Variants in PCBP3 observed in about 807,000 individuals in gnomAD.
PCBP3 encodes the protein poly(rC) binding protein 3, also known as poly(rC)-binding protein 3.
Under a neutral mutation model 52.7 loss-of-function variants are expected in PCBP3, and 25 were observed. The observed-to-expected ratio is 0.47, with a 90% confidence interval of 0.35 to 0.66. PCBP3 has a LOEUF of 0.66. Ranked by LOEUF, PCBP3 falls within the 30% of genes least tolerant of loss-of-function variation. The pLI is 0.01. For missense variants in PCBP3, 391 were observed against 490.3 expected (o/e 0.80, Z 1.91); for synonymous variants, 162 against 183.0 (o/e 0.89, Z 0.93).
chr21:45,840,107 T>G (rs1010688473), intron 4 of PCBP3, among the ~76,000 whole-genome samples: 4 of 151,980 alleles, frequency 2.6e-5, no homozygotes, highest in African/African-American at 9.7e-5. Flanking sequence ...AATTTGTGTG[T>G]GTGTGTTTTA....
At chr21:45,887,319 C>G (rs1314369177) in intron 5 of PCBP3, among the ~76,000 whole-genome samples, 1 of 152,240 alleles carries the variant, frequency 6.6e-6, no homozygotes, top group Non-Finnish European at 1.5e-5. Context: ...AAGCAGCAGC[C>G]TTGCCACTCC....
At chr21:45,711,335 C>T (rs1385288023) in intron 2 of PCBP3, among the ~76,000 whole-genome samples, 2 of 152,160 alleles carry the variant, frequency 1.3e-5, no homozygotes, top group Non-Finnish European at 2.9e-5. Flanking sequence ...GTATATACAT[C>T]TATAGATATT....
intron 4 of PCBP3, among the ~76,000 whole-genome samples, chr21:45,794,842 T>G (rs535322240): frequency 1.6e-3 from 234 of 150,774 alleles, no homozygotes; most frequent in Non-Finnish European, 2.7e-3. Context: ...GGCAGGAGAA[T>G]GGCGTGAACC....
intron 4 of PCBP3, among the ~76,000 whole-genome samples, chr21:45,811,911 T>A (rs899355824): frequency 7.9e-5 from 12 of 152,236 alleles, no homozygotes; most frequent in African/African-American, 2.7e-4. Flanking sequence ...TTTTTAATTG[T>A]CCCTCTCTTC....
chr21:45,747,674 C>T (rs1451992320), intron 3 of PCBP3, among the ~76,000 whole-genome samples: 2 of 152,270 alleles, frequency 1.3e-5, no homozygotes, highest in African/African-American at 4.8e-5. Context: ...AGGCTGCGGT[C>T]TTGCCCTTAC....
intron 4 of PCBP3, among the ~76,000 whole-genome samples, chr21:45,797,746 T>G (rs2092033384): frequency 7.2e-6 from 1 of 139,726 alleles, no homozygotes; most frequent in Non-Finnish European, 1.5e-5. Flanking sequence ...CGTGGATCCA[T>G]AGAGAGAGTG....
intron 2 of PCBP3, among the ~76,000 whole-genome samples, chr21:45,687,651 A>G (rs913392363): frequency 6.6e-6 from 1 of 152,244 alleles, no homozygotes; most frequent in South Asian, 2.1e-4. Flanking sequence ...CACATTAAAT[A>G]TAAAGATACA....
At chr21:45,932,423 A>T (rs1463354560) in intron 15 of PCBP3, among the ~76,000 whole-genome samples, 6 of 151,760 alleles carry the variant, frequency 4.0e-5, no homozygotes, top group African/African-American at 1.5e-4. Context: ...AGATGAATGA[A>T]CACATCGGCC....
At chr21:45,787,601 TG>T (rs1242277052) in intron 4 of PCBP3, among the ~76,000 whole-genome samples, 1 of 152,152 alleles carries the variant, frequency 6.6e-6, no homozygotes, top group Admixed American at 6.5e-5. Context: ...CTAAATTATA[TG>T]GTGGGGCCTC....
intron 3 of PCBP3, among the ~76,000 whole-genome samples, chr21:45,753,426 G>A (rs376122324): frequency 1.1e-4 from 17 of 151,658 alleles, no homozygotes; most frequent in African/African-American, 4.1e-4. Context: ...CCCTTTTTCA[G>A]TATCTCTGTA....
Position 45,696,079 on chromosome 21 carries a change from CAAAAAAAAAAA to C in PCBP3, c.-200+27144_-200+27154del, listed in dbSNP as rs71185164. 1.3e-4 allele frequency among the ~76,000 whole-genome samples: 5 copies of C among 39,646 alleles called. 1 individual carries two copies. Among genetic ancestry groups the C allele is most frequent in the African/African-American group, 2.8e-4 (3 of 10,700 alleles). The allele number at this position is 39,646 out of a possible 152,430, so 26.0% of individuals were successfully genotyped here. On this transcript the variant is annotated intron_variant, in intron 2 of 17. Transcript: ENST00000681687. ...GGGTAACTAGAGCAAGACTCTGTCT[CAAAAAAAAAAA>C]AAAAAAAAAAAAAAAAGGTCTTTTC...
At chr21:45,898,961 A>C (rs1431721670) in intron 6 of PCBP3, among the ~76,000 whole-genome samples, 3 of 151,778 alleles carry the variant, frequency 2.0e-5, no homozygotes, top group African/African-American at 4.8e-5. Context: ...GCCCCTCTGC[A>C]TGCCGTCCTC....
chr21:45,646,434 C>G (rs551667775), intron 1 of PCBP3, among the ~76,000 whole-genome samples: 1 of 151,978 alleles, frequency 6.6e-6, no homozygotes, highest in East Asian at 1.9e-4. Context: ...ACAACCATTC[C>G]TTTAAGAAAG....
intron 4 of PCBP3, among the ~76,000 whole-genome samples, chr21:45,783,494 C>T (rs1205654840): frequency 1.3e-5 from 2 of 152,190 alleles, no homozygotes; most frequent in Admixed American, 6.5e-5. Flanking sequence ...TGAAAGAGCT[C>T]CTGGAGATAG....
rs796396649 is a variant in PCBP3 at position 45,917,441 on chromosome 21, C to T, written c.676-147C>T. On this transcript the variant is annotated intron_variant, in intron 12 of 17. Coordinates refer to ENST00000681687, the MANE Select transcript of PCBP3 (RefSeq NM_001384156.1). This position sits in a 1 kb window ranked among gnomAD's most constrained non-coding sequence, Gnocchi z 5.3. ...GCTCCTGGTGCCCTGGGAGGGTTGG[C>T]CCTTTGTCCTAGGATGGGGACAGGT... The T allele has an allele frequency of 1.8e-5, 10 of 544,830 alleles. No homozygotes were observed. Among genetic ancestry groups the T allele is most frequent in the South Asian group, 1.3e-4 (7 of 53,746 alleles). 33.7% of individuals were successfully genotyped at this position (544,830 alleles called of 1,614,324 possible). A position where few individuals can be genotyped will look rare whatever the true frequency, so the allele number is the denominator to read the frequency against.
intron 13 of PCBP3, among the ~76,000 whole-genome samples, chr21:45,929,072 C>T (rs2075842405): frequency 6.6e-6 from 1 of 152,194 alleles, no homozygotes; most frequent in African/African-American, 2.4e-5. Flanking sequence ...CCTCACCTTG[C>T]CACGTTTACC....
intron 2 of PCBP3, among the ~76,000 whole-genome samples, chr21:45,728,157 A>C (rs2148423333): frequency 6.6e-6 from 1 of 152,316 alleles, no homozygotes; most frequent in South Asian, 2.1e-4. Flanking sequence ...GGTACGGTCT[A>C]ACTTTGTTCC....
intron 2 of PCBP3, among the ~76,000 whole-genome samples, chr21:45,670,031 G>A (rs1268828720): frequency 6.6e-6 from 1 of 151,244 alleles, no homozygotes; most frequent in Non-Finnish European, 1.5e-5. Context: ...ACTTTTTGAG[G>A]AATGACTGTA....
chr21:45,739,069 G>GC (rs1234267399), intron 3 of PCBP3, among the ~76,000 whole-genome samples: 19 of 67,988 alleles, frequency 2.8e-4, no homozygotes, highest in Admixed American at 3.5e-4. Context: ...CCTCTGGGTA[G>GC]CCCCCCATCT....
Sources: allele counts gnomAD v4.1 joint callset (sites outside exome capture counted in the v4.1 genomes callset), GRCh38; gene constraint gnomAD v4.1.1; non-coding constraint Gnocchi (gnomAD v3.1); transcripts MANE v1.5; gene names NCBI Gene and HGNC (gene_info 2026-07-23, HGNC 2026-07-21).